The following PAX8 variants were observed in gnomAD, a reference collection of about 807,000 sequenced individuals.
The protein encoded by PAX8 is paired box 8.
A neutral mutation model predicts 52.4 loss-of-function variants in PAX8; 15 were observed. The observed-to-expected ratio is 0.29, with a 90% CI of 0.19 to 0.44. The LOEUF (loss-of-function observed/expected upper bound fraction) is 0.44. PAX8 is among the 20% of genes least tolerant of loss of function. The pLI, the probability that PAX8 is intolerant of heterozygous loss-of-function variation, is 1.00. For missense variants in PAX8, 554 were observed against 602.5 expected (o/e 0.92, Z 0.84); for synonymous variants, 284 against 249.7 (o/e 1.14, Z -1.29).
At chr2:113,261,995 A>G (rs1692719955) in intron 2 of PAX8, among the ~76,000 whole-genome samples, 1 of 151,832 alleles carries the variant, frequency 6.6e-6, no homozygotes, top group South Asian at 2.1e-4. Flanking sequence ...ATGCCCAGCT[A>G]ATTTTTGTAT....
At chr2:113,241,422 C>T (rs1283124854) in intron 7 of PAX8, 129 bp downstream of exon 7, 1 of 865,042 alleles carries the variant, frequency 1.2e-6, no homozygotes, top group South Asian at 1.4e-5. Context: ...CTTGGAGTTG[C>T]ATAAGGCAGG....
At chr2:113,233,107 C>T (rs891059086) in intron 9 of PAX8, among the ~76,000 whole-genome samples, 13 of 149,866 alleles carry the variant, frequency 8.7e-5, no homozygotes, top group Non-Finnish European at 1.9e-4. Context: ...CCCCGCATCC[C>T]ATTTTCTCTG....
At chr2:113,220,363 C>G in intron 10 of PAX8, 185 bp from the exon 11 acceptor site, 1 of 592,164 alleles carries the variant, frequency 1.7e-6, no homozygotes, top group South Asian at 2.0e-5. Flanking sequence ...ACCCATCGAT[C>G]TGGAAAATTT....
intron 2 of PAX8, chr2:113,269,930 A>C: frequency 6.6e-6 from 1 of 152,198 alleles, no homozygotes; most frequent in Admixed American, 6.5e-5. Context: ...CAGTCCACAG[A>C]CAGCCATTCT....
In PAX8 at chr2:113,235,424, C is replaced by G. The variant is rs764963395; in HGVS notation, c.1057G>C (p.Gly353Arg). ...AGGAGGGCCTGGCCCGTGAACTGCC[C>G]GTACACGGAGGCAGCATGGGGAAAG... ...NAFPHAASVY[G>R]QFTGQALLSG... The change falls in exon 9 of 12, where the codon GGG becomes CGG. Residue 353 changes from glycine to arginine, a missense_variant. Coordinates refer to ENST00000429538, the MANE Select transcript of PAX8 (RefSeq NM_003466.4). 21 of 1,600,418 alleles carry G rather than the reference C, an allele frequency of 1.3e-5. No homozygotes were observed. The highest frequency in any genetic ancestry group is 1.7e-4 in the Middle Eastern group (1 of 6,006).
At chr2:113,223,839 C>A (rs1689393371) in intron 10 of PAX8, among the ~76,000 whole-genome samples, 1 of 152,122 alleles carries the variant, frequency 6.6e-6, no homozygotes, top group Non-Finnish European at 1.5e-5. Context: ...CTGCTGTATC[C>A]CCAGCATCCT....
At chr2:113,277,811 C>T (rs988866233) in intron 2 of PAX8, among the ~76,000 whole-genome samples, 6 of 152,284 alleles carry the variant, frequency 3.9e-5, no homozygotes, top group Admixed American at 2.0e-4. Context: ...GCGCGCGGCG[C>T]CCGGCCTGCC....
In PAX8 at chr2:113,246,735, C is replaced by T. The variant is rs147840398; in HGVS notation, c.191+19G>A. On this transcript the variant is annotated intron_variant, in intron 3 of 11. Coordinates refer to ENST00000429538, the MANE Select transcript of PAX8 (RefSeq NM_003466.4). Reference sequence around the variant, plus strand: ...CAAGCCCTGCGGGGAAGGCGGCCTGCGGTGAATTTCGTGCTTACCTGCCAA... The same window carrying T: ...CAAGCCCTGCGGGGAAGGCGGCCTGTGGTGAATTTCGTGCTTACCTGCCAA... 1.1e-4 allele frequency: 170 copies of T among 1,609,080 alleles called. 1 individual carries two copies. The African/African-American group carries it at 1.7e-3, about 16-fold the overall frequency.
intron 10 of PAX8, among the ~76,000 whole-genome samples, chr2:113,223,434 C>T (rs1301555666): frequency 1.3e-5 from 2 of 152,232 alleles, no homozygotes; most frequent in East Asian, 3.8e-4. Context: ...TGTCCCCTAA[C>T]TGGTCTTTGT....
chr2:113,225,836 TG>T, intron 10 of PAX8: 1 of 895,344 alleles, frequency 1.1e-6, no homozygotes, highest in Non-Finnish European at 1.3e-6. Context: ...GGGAACCGAC[TG>T]GAGACTGGGA....
intron 9 of PAX8, chr2:113,230,686 A>G (rs1450901432): frequency 6.6e-6 from 1 of 151,938 alleles, no homozygotes; most frequent in Non-Finnish European, 1.5e-5. Flanking sequence ...GCCCTACAAA[A>G]CTCTTTGCTC....
chr2:113,264,545 G>A (rs1306513627), intron 2 of PAX8, among the ~76,000 whole-genome samples: 1 of 152,244 alleles, frequency 6.6e-6, no homozygotes, highest in Non-Finnish European at 1.5e-5. Flanking sequence ...GTGAAAACCA[G>A]CAGCCCAGAC....
chr2:113,255,469 G>T, intron 2 of PAX8: 1 of 152,550 alleles, frequency 6.6e-6, no homozygotes. Flanking sequence ...GGTTTGCCCT[G>T]CTTCTGAAGG....
At chr2:113,275,674 T>G (rs1468503729) in intron 2 of PAX8, 2 of 152,180 alleles carry the variant, frequency 1.3e-5, no homozygotes, top group Non-Finnish European at 1.5e-5. Flanking sequence ...GGTACAGTAT[T>G]GTTTTCACTT....
intron 2 of PAX8, among the ~76,000 whole-genome samples, chr2:113,256,222 A>G (rs776839366): frequency 7.2e-5 from 11 of 152,220 alleles, no homozygotes; most frequent in African/African-American, 1.4e-4. Flanking sequence ...GCACAAAGGA[A>G]ACACTGAAAT....
intron 2 of PAX8, chr2:113,273,339 G>C (rs965632377): frequency 1.2e-4 from 18 of 152,248 alleles, no homozygotes; most frequent in African/African-American, 4.3e-4. Flanking sequence ...GAAGAGCTGG[G>C]TCCTCAGGGA....
At chr2:113,241,960 C>T in intron 6 of PAX8, 48 bp downstream of exon 6, 4 of 1,607,766 alleles carry the variant, frequency 2.5e-6, no homozygotes, top group Non-Finnish European at 3.4e-6. Context: ...AAAGCCTGAG[C>T]AAACTGCTCT....
chr2:113,272,466 A>G (rs1417238357), intron 2 of PAX8: 1 of 152,172 alleles, frequency 6.6e-6, no homozygotes, highest in Non-Finnish European at 1.5e-5. Flanking sequence ...AATCCTCAAG[A>G]TCCATTTAAA....
At chr2:113,234,121 G>C (rs1473381617) in intron 9 of PAX8, among the ~76,000 whole-genome samples, 1 of 152,268 alleles carries the variant, frequency 6.6e-6, no homozygotes, top group Non-Finnish European at 1.5e-5. Context: ...TGAACTGAGA[G>C]CTAGCTGGCT....
Sources: allele counts gnomAD v4.1 joint callset (sites outside exome capture counted in the v4.1 genomes callset), GRCh38; gene constraint gnomAD v4.1.1; transcripts MANE v1.5; gene names NCBI Gene and HGNC (gene_info 2026-07-23, HGNC 2026-07-21).